The following CCDC57 variants were observed in gnomAD, a reference collection of about 807,000 sequenced individuals.
CCDC57 encodes coiled-coil domain-containing protein 57.
A neutral mutation model predicts 118.9 loss-of-function variants in CCDC57; 118 were observed. The ratio of observed to expected loss-of-function variants is 0.99; its 90% CI spans 0.86 to 1.16. CCDC57 has a LOEUF of 1.16. CCDC57 is among the 50% of genes most tolerant of loss of function. The pLI is 0.00. For missense variants in CCDC57, 1,300 were observed against 1,320.7 expected (o/e 0.98, Z 0.24); for synonymous variants, 527 against 532.9 (o/e 0.99, Z 0.15).
In CCDC57 at chr17:82,167,667, A is replaced by T. The variant is rs187009645; in HGVS notation, c.1882+4034T>A. ...CACCCGGCCAATTTTTGCATTTTTA[A>T]TAGGGGTTTCACCATGTTGGTCAGG... On this transcript the variant is annotated intron_variant, in intron 13 of 19. Coordinates refer to ENST00000665763, the Ensembl canonical transcript of CCDC57. 2.0e-4 allele frequency among the ~76,000 whole-genome samples: 31 copies of T among 151,914 alleles called. No individual in the cohort carries two copies. In the East Asian group the frequency reaches 5.6e-3, roughly 28 times the overall value.
At chr17:82,126,857 T>A in intron 19 of CCDC57, 1 of 985,342 alleles carries the variant, frequency 1.0e-6, no homozygotes, top group Non-Finnish European at 1.2e-6. Flanking sequence ...ATTAAATGAA[T>A]GAGGCACACC....
At chr17:82,198,123 T>C (rs2048527053) in intron 4 of CCDC57, among the ~76,000 whole-genome samples, 191 bp downstream of exon 3, 1 of 152,216 alleles carries the variant, frequency 6.6e-6, no homozygotes, top group Admixed American at 6.5e-5. Flanking sequence ...GGTGGCTGCA[T>C]GTAGACATCC....
At chr17:82,200,659 G>C (rs757298223) in intron 3 of CCDC57, among the ~76,000 whole-genome samples, 23 of 152,012 alleles carry the variant, frequency 1.5e-4, no homozygotes, top group African/African-American at 2.4e-4. Flanking sequence ...CGGGCGTGGT[G>C]GTGGGCACCT....
chr17:82,130,232 T>C (rs9907426), intron 17 of CCDC57, among the ~76,000 whole-genome samples: 70,706 of 151,522 alleles, frequency 0.47, 17,288 homozygotes, highest in East Asian at 0.88. Context: ...CTTGCTCTGT[T>C]GCCCAGGCTG....
chr17:82,173,996 C>T (rs1177504859), intron 11 of CCDC57, among the ~76,000 whole-genome samples: 1 of 152,246 alleles, frequency 6.6e-6, no homozygotes, highest in Non-Finnish European at 1.5e-5. Context: ...GAGGAAACAC[C>T]TGCTTCCAGA....
chr17:82,160,670 T>C lies in CCDC57; in HGVS notation c.2040+2530A>G, dbSNP rs145393459. Reference sequence around the variant, plus strand: ...TGGGAAGATCACCTGAGGTGAGGAGTTCGATACCAGCCTGGCCAACATGGT... The same window carrying C: ...TGGGAAGATCACCTGAGGTGAGGAGCTCGATACCAGCCTGGCCAACATGGT... On this transcript the variant is annotated intron_variant, in intron 14 of 19. Coordinates refer to ENST00000665763, the Ensembl canonical transcript of CCDC57. 7.2e-3 allele frequency among the ~76,000 whole-genome samples: 1,077 copies of C among 150,558 alleles called. 10 individuals are homozygous for C. The highest frequency in any genetic ancestry group is 0.026 in the African/African-American group (1,051 of 40,960).
chr17:82,128,662 G>C, intron 17 of CCDC57, 65 bp from the exon 17 acceptor site: 1 of 1,280,054 alleles, frequency 7.8e-7, no homozygotes, highest in South Asian at 1.3e-5. Flanking sequence ...ATGTCAGTGA[G>C]TTTTCCCACA....
intron 9 of CCDC57, among the ~76,000 whole-genome samples, chr17:82,181,311 G>A (rs993323312): frequency 1.2e-4 from 19 of 152,370 alleles, no homozygotes; most frequent in African/African-American, 3.8e-4. Context: ...GGCGGCCGGC[G>A]GAGCATCCTT....
At chr17:82,189,424 C>T (rs1029544798) in intron 7 of CCDC57, among the ~76,000 whole-genome samples, 1 of 152,266 alleles carries the variant, frequency 6.6e-6, no homozygotes, top group African/African-American at 2.4e-5. Flanking sequence ...AGTCTTTGAT[C>T]TAACCCTACT....
At chr17:82,181,153 G>T (rs1255066680) in intron 9 of CCDC57, among the ~76,000 whole-genome samples, 1 of 152,254 alleles carries the variant, frequency 6.6e-6, no homozygotes, top group Non-Finnish European at 1.5e-5. Flanking sequence ...GGGAACCTGG[G>T]ATCTGTGCAG....
At chr17:82,128,774 G>C (rs371929638) in intron 17 of CCDC57, among the ~76,000 whole-genome samples, 177 bp from the exon 17 acceptor site, 2 of 152,180 alleles carry the variant, frequency 1.3e-5, no homozygotes. Flanking sequence ...AGGAGGAATG[G>C]AGCAGGCTTC....
chr17:82,122,003 T>C (rs1040063864), intron 19 of CCDC57, among the ~76,000 whole-genome samples: 3 of 152,132 alleles, frequency 2.0e-5, no homozygotes, highest in Non-Finnish European at 4.4e-5. Flanking sequence ...GGAACGCTCC[T>C]TCCTGCAGCA....
intron 4 of CCDC57, among the ~76,000 whole-genome samples, chr17:82,197,454 T>C (rs2048460553): frequency 6.6e-6 from 1 of 152,254 alleles, no homozygotes; most frequent in Non-Finnish European, 1.5e-5. Flanking sequence ...TCCAGAACAT[T>C]GAGGAGAAAT....
intron 17 of CCDC57, among the ~76,000 whole-genome samples, chr17:82,129,414 CA>C (rs1157806956): frequency 6.6e-6 from 1 of 152,214 alleles, no homozygotes; most frequent in Non-Finnish European, 1.5e-5. Context: ...GAGCCATGGA[CA>C]ATAGATGGCC....
rs1016012052 is a variant in CCDC57 at position 82,192,268 on chromosome 17, T to C, written c.851+1488A>G. On this transcript the variant is annotated intron_variant, in intron 7 of 19. Coordinates refer to ENST00000665763, the Ensembl canonical transcript of CCDC57. The surrounding 1 kb of genome is among the most constrained non-coding windows in gnomAD (Gnocchi z 4.0). Reference sequence around the variant, plus strand: ...CCAAAGTGCTGTGTGATTATTTTAATGACATTTTCTTTCCTCTAGCTAGCA... The same window carrying C: ...CCAAAGTGCTGTGTGATTATTTTAACGACATTTTCTTTCCTCTAGCTAGCA... 6.6e-6 allele frequency among the ~76,000 whole-genome samples: 1 copy of C among 152,168 alleles called. No homozygotes were observed. The highest frequency in any genetic ancestry group is 1.5e-5 in the Non-Finnish European group (1 of 68,030).
chr17:82,201,375 G>A (rs929690249), intron 3 of CCDC57, among the ~76,000 whole-genome samples, 163 bp downstream of exon 2: 2 of 152,240 alleles, frequency 1.3e-5, no homozygotes, highest in African/African-American at 2.4e-5. Context: ...CAGAGGCCAC[G>A]AGGCACTCGG....
Position 82,127,389 on chromosome 17 carries a change from C to G in CCDC57, c.2899+303G>C, listed in dbSNP as rs77829456. 2.1e-5 allele frequency: 18 copies of G among 863,202 alleles called. 1 individual carries two copies. The highest frequency in any genetic ancestry group is 1.2e-3 in the Middle Eastern group (2 of 1,714). The allele number at this position is 863,202 out of a possible 1,614,324, so 53.5% of individuals were successfully genotyped here. ...AGCCTGCGCCCGGGTGTACAGTGCT[C>G]CATTCTAAGTCAGCCTGCGCCCGGG... On this transcript the variant is annotated intron_variant, in intron 19 of 19. Transcript: ENST00000665763.
intron 19 of CCDC57, among the ~76,000 whole-genome samples, chr17:82,105,852 C>G (rs1321745626): frequency 6.6e-6 from 1 of 152,230 alleles, no homozygotes; most frequent in Non-Finnish European, 1.5e-5. Context: ...GGGGAGGGTA[C>G]TGGACATTGC....
intron 19 of CCDC57, among the ~76,000 whole-genome samples, chr17:82,125,760 A>G (rs1469904696): frequency 6.6e-6 from 1 of 152,210 alleles, no homozygotes; most frequent in African/African-American, 2.4e-5. Flanking sequence ...GAGAAGGATA[A>G]AGAGGAGATC....
Sources: allele counts gnomAD v4.1 joint callset (sites outside exome capture counted in the v4.1 genomes callset), GRCh38; gene constraint gnomAD v4.1.1; non-coding constraint Gnocchi (gnomAD v3.1); transcripts MANE v1.5; gene names NCBI Gene and HGNC (gene_info 2026-07-23, HGNC 2026-07-21).